The following SSBP3 variants were observed in gnomAD, a reference collection of about 807,000 sequenced individuals.
SSBP3 encodes the protein single-stranded DNA-binding protein 3.
SSBP3 carries 5 observed loss-of-function variants against 69.6 expected under a neutral mutation model. The observed-to-expected ratio is 0.07, with a 90% confidence interval of 0.04 to 0.15. The LOEUF is 0.15. Among genes scored for constraint, SSBP3 ranks in the 10% least tolerant of loss-of-function variants. The probability of loss-of-function intolerance (pLI) is 1.00; values close to 1 mark genes in which losing one functional copy is unlikely to be tolerated. For missense variants in SSBP3, 312 were observed against 534.0 expected, an observed-to-expected ratio of 0.58 and a Z score of 4.10; for synonymous variants, 196 against 193.4, an observed-to-expected ratio of 1.01 and a Z score of -0.11.
chr1:54,233,667 G>A (rs1644430414), intron 14 of SSBP3, among the ~76,000 whole-genome samples: 1 of 149,560 alleles, frequency 6.7e-6, no homozygotes, highest in Non-Finnish European at 1.5e-5. Flanking sequence ...CTACTGGGAA[G>A]TGAGGAGCCC....
At chr1:54,289,010 ACT>A (rs1645545692) in intron 4 of SSBP3, among the ~76,000 whole-genome samples, 1 of 113,466 alleles carries the variant, frequency 8.8e-6, no homozygotes, top group Non-Finnish European at 1.7e-5. Flanking sequence ...ACAGAGCTAG[ACT>A]CTGTCTCCAA....
upstream of SSBP3, among the ~76,000 whole-genome samples, chr1:54,410,826 C>T (rs1435862940): frequency 2.0e-5 from 3 of 152,110 alleles, no homozygotes; most frequent in African/African-American, 7.2e-5. Flanking sequence ...GCCTACTAGG[C>T]TATTAGTCAG....
Position 54,309,467 on chromosome 1 carries a change from C to G in SSBP3, c.277-27940G>C, listed in dbSNP as rs201795651. ...GGAAATGAAGCTGGTTCTCAAACAG[C>G]CAGCCTTGCTTTGGACTGATATCTA... On this transcript the variant is annotated intron_variant, in intron 4 of 17. Transcript: ENST00000610401. Among the ~76,000 whole-genome samples, 4 of 152,350 alleles carry G rather than the reference C, an allele frequency of 2.6e-5. No individual in the cohort carries two copies. In the East Asian group the frequency reaches 7.7e-4, roughly 29 times the overall value.
chr1:54,250,934 A>G (rs1211309301), intron 9 of SSBP3, among the ~76,000 whole-genome samples: 2 of 152,168 alleles, frequency 1.3e-5, no homozygotes, highest in Non-Finnish European at 2.9e-5. Context: ...CTTTGTTGTG[A>G]CCGTAAGAGG....
chr1:54,240,754 C>G (rs1391711151), intron 13 of SSBP3, 151 bp downstream of exon 13: 2 of 975,474 alleles, frequency 2.1e-6, no homozygotes, highest in East Asian at 4.9e-5. Flanking sequence ...CAAGGGACCC[C>G]CTGCCCTCTA....
intron 4 of SSBP3, among the ~76,000 whole-genome samples, chr1:54,364,473 T>C (rs1410529281): frequency 6.6e-6 from 1 of 152,144 alleles, no homozygotes; most frequent in African/African-American, 2.4e-5. Context: ...CCCACCTGCC[T>C]CCCAACCTAG....
chr1:54,228,485 G>GA lies in SSBP3; in HGVS notation c.1007-9dup. On this transcript the variant is annotated splice_polypyrimidine_tract_variant and intron_variant, in intron 15 of 17. Transcript: ENST00000610401. The stretch of plus-strand genomic sequence containing the variant: ...CGTCTATGTCGCCTGACCCTGGAAA[G>GA]AAAAAATAATCCAATTCAGTTTCTT... 6.2e-7 allele frequency: 1 copy of GA among 1,614,126 alleles called. No individual in the cohort carries two copies. The highest frequency in any genetic ancestry group is 8.5e-7 in the Non-Finnish European group (1 of 1,180,016).
At chr1:54,238,727 C>T in intron 14 of SSBP3, 1 of 313,610 alleles carries the variant, frequency 3.2e-6, no homozygotes, top group Non-Finnish European at 6.5e-6. Flanking sequence ...CCCCTTGCTG[C>T]TGGCTCCACC....
chr1:54,228,542 T>C (rs1310658322), intron 15 of SSBP3, 65 bp from the exon 16 acceptor site: 15 of 1,600,058 alleles, frequency 9.4e-6, no homozygotes, highest in Non-Finnish European at 1.2e-5. Context: ...TCTCCCCTCG[T>C]CCTGGGCTCC....
At chr1:54,327,099 C>A (rs140530801) in intron 4 of SSBP3, among the ~76,000 whole-genome samples, 2 of 152,070 alleles carry the variant, frequency 1.3e-5, no homozygotes, top group East Asian at 1.9e-4. Flanking sequence ...TCATCTTGGG[C>A]CCAGCCTCTC....
intron 5 of SSBP3, among the ~76,000 whole-genome samples, chr1:54,265,502 G>A (rs546687850): frequency 2.6e-5 from 4 of 152,322 alleles, no homozygotes; most frequent in East Asian, 1.9e-4. Flanking sequence ...ATAACTGCCC[G>A]GGCTTCTGCG....
chr1:54,258,744 G>A lies in SSBP3; in HGVS notation c.367-595C>T, dbSNP rs556165248. On this transcript the variant is annotated intron_variant, in intron 5 of 17. Coordinates refer to ENST00000610401, the Ensembl canonical transcript of SSBP3. This position sits in a 1 kb window ranked among gnomAD's most constrained non-coding sequence, Gnocchi z 4.5. The stretch of plus-strand genomic sequence containing the variant: ...TAAACAACAGAGGCAAGAGGAGCAA[G>A]GGGCACCACAGATGTAACACACAGG... Among the ~76,000 whole-genome samples, 1 of 152,308 alleles carries A rather than the reference G, an allele frequency of 6.6e-6. No individual in the cohort carries two copies. The highest frequency in any genetic ancestry group is 2.4e-5 in the African/African-American group (1 of 41,554).
At chr1:54,281,877 G>A (rs1645399177) in intron 4 of SSBP3, among the ~76,000 whole-genome samples, 1 of 152,048 alleles carries the variant, frequency 6.6e-6, no homozygotes, top group South Asian at 2.1e-4. Flanking sequence ...CTGGAGAATC[G>A]CTTGAGCCCA....
intron 4 of SSBP3, among the ~76,000 whole-genome samples, chr1:54,396,197 A>G (rs1309085283): frequency 3.5e-5 from 4 of 115,664 alleles, no homozygotes; most frequent in East Asian, 4.1e-4. Context: ...ATCTCAGAAA[A>G]AAAAAAAAAA....
intron 4 of SSBP3, among the ~76,000 whole-genome samples, chr1:54,338,504 G>A (rs1054431615): frequency 2.0e-5 from 3 of 152,034 alleles, no homozygotes; most frequent in Non-Finnish European, 2.9e-5. Flanking sequence ...TTCTCCACCC[G>A]CTAGAAGCAT....
chr1:54,238,811 A>G, intron 14 of SSBP3: 1 of 379,980 alleles, frequency 2.6e-6, no homozygotes, highest in Non-Finnish European at 5.1e-6. Flanking sequence ...TGCTGGGCAG[A>G]GACCAGGCCA....
chr1:54,396,193 G>GGAAAAAAAAA (rs1168912041), intron 4 of SSBP3, among the ~76,000 whole-genome samples: 2 of 40,580 alleles, frequency 4.9e-5, no homozygotes, highest in African/African-American at 1.9e-4. Context: ...CTCCATCTCA[G>GGAAAAAAAAA]AAAAAAAAAA....
At chr1:54,327,765 G>C (rs762760616) in intron 4 of SSBP3, among the ~76,000 whole-genome samples, 18 of 152,092 alleles carry the variant, frequency 1.2e-4, no homozygotes, top group Admixed American at 3.9e-4. Flanking sequence ...CTGTCCCCAG[G>C]GAAAAGGACA....
intron 5 of SSBP3, among the ~76,000 whole-genome samples, chr1:54,279,817 C>A (rs1645358558): frequency 6.6e-6 from 1 of 152,240 alleles, no homozygotes; most frequent in African/African-American, 2.4e-5. Flanking sequence ...GGGAGAAGGA[C>A]AGCAGCCCCT....
Sources: allele counts gnomAD v4.1 joint callset (sites outside exome capture counted in the v4.1 genomes callset), GRCh38; gene constraint gnomAD v4.1.1; non-coding constraint Gnocchi (gnomAD v3.1); transcripts MANE v1.5; gene names NCBI Gene and HGNC (gene_info 2026-07-23, HGNC 2026-07-21).